The following TARBP1 variants were observed in gnomAD, a reference collection of about 807,000 sequenced individuals.
TARBP1 encodes the protein tRNA guanosine 2 -O-methyltransferase TARBP1, also known as tRNA (guanosine(18)-2'-O)-methyltransferase TARBP1.
A neutral mutation model predicts 178.6 loss-of-function variants in TARBP1; 144 were observed. That is an observed-to-expected ratio of 0.81 (90% confidence interval 0.70 to 0.93). The LOEUF (loss-of-function observed/expected upper bound fraction) is 0.93, where lower values mean the gene tolerates loss of function less well. TARBP1 is among the 40% of genes least tolerant of loss of function. TARBP1 has a pLI of 0.00. For missense variants in TARBP1, 2,067 were observed against 2,011.7 expected (o/e 1.03, Z -0.53); for synonymous variants, 787 against 781.0 (o/e 1.01, Z -0.13).
Position 234,425,696 on chromosome 1 carries a change from G to C in TARBP1, c.3421C>G (p.Leu1141Val). Residue 1141 changes from leucine (L) to valine (V), a missense_variant, in exon 20 of 30, where the codon CTT becomes GTT. Transcript: ENST00000040877. ...ACTTTATCTAATAGCTTGATTGCAA[G>C]ATCCTCAATAAACAACTTGTGGGAC... The part of the protein sequence containing the change: ...NMSHKLFIED[L>V]AIKLLDKDEL... The C allele has an allele frequency of 6.2e-7, 1 of 1,611,842 alleles. No homozygotes were observed. Among genetic ancestry groups the C allele is most frequent in the Non-Finnish European group, 8.5e-7 (1 of 1,179,268 alleles).
rs1211826604 is a variant in TARBP1 at position 234,478,201 on chromosome 1, G to A, written c.903C>T (p.Asp301=). ...TTCCTTCCTGGGGCCCGCAGGTGCA[G>A]TCGGCCCCCAGCTCCGCCGACACCT... ...AVEVSAELGA[D]CTCGPQEGNG... Residue 301 remains aspartate (D), a synonymous_variant, in exon 1 of 30, where the codon GAC becomes GAT. Coordinates refer to ENST00000040877, the MANE Select transcript of TARBP1 (RefSeq NM_005646.4). 1 of 1,611,864 alleles carries A rather than the reference G, an allele frequency of 6.2e-7. No homozygotes were observed. The highest frequency in any genetic ancestry group is 8.5e-7 in the Non-Finnish European group (1 of 1,179,590).
intron 2 of TARBP1, among the ~76,000 whole-genome samples, chr1:234,471,827 T>A (rs1159867841): frequency 3.3e-5 from 5 of 152,206 alleles, no homozygotes; most frequent in African/African-American, 1.2e-4. Flanking sequence ...TGCTTTTTCT[T>A]TACTCCTCAT....
intron 3 of TARBP1, among the ~76,000 whole-genome samples, chr1:234,469,674 G>A (rs930397090): frequency 4.6e-5 from 7 of 152,210 alleles, no homozygotes; most frequent in African/African-American, 1.7e-4. Flanking sequence ...ACAATAATGT[G>A]GCATTTTATC....
chr1:234,435,165 C>T (rs1275985529), intron 13 of TARBP1, among the ~76,000 whole-genome samples: 1 of 152,050 alleles, frequency 6.6e-6, no homozygotes, highest in African/African-American at 2.4e-5. Flanking sequence ...ATGAGGGACC[C>T]TTGGCTGGGT....
chr1:234,458,692 T>C (rs1274352985), intron 8 of TARBP1, among the ~76,000 whole-genome samples: 1 of 152,154 alleles, frequency 6.6e-6, no homozygotes, highest in African/African-American at 2.4e-5. Flanking sequence ...ACACCATATA[T>C]ATTCCTTGAA....
rs768903736 is a variant in TARBP1, at chr1:234,420,704, G to C, written c.3553C>G (p.Gln1185Glu). Residue 1185 changes from glutamine to glutamate, a missense_variant and splice_region_variant, in exon 21 of 30, where the codon CAG becomes GAG. By Grantham distance (29) the Gln-to-Glu change is conservative (BLOSUM62 2). Transcript: ENST00000040877. ...CAAATATAATAAAAATATGATACCT[G>C]GTCAAGTCTAGGGAAAAGTACCAGC... ...TLLVLFPRLD[Q>E]NFLNGIIDRI... is the part of the protein sequence containing the mutation. 52 of 1,595,614 alleles carry C rather than the reference G, an allele frequency of 3.3e-5. No homozygotes were observed. Among genetic ancestry groups the C allele is most frequent in the African/African-American group, 5.4e-5 (4 of 74,280 alleles).
At chr1:234,474,345 G>A (rs1473672441) in intron 1 of TARBP1, among the ~76,000 whole-genome samples, 1 of 149,028 alleles carries the variant, frequency 6.7e-6, no homozygotes, top group Admixed American at 6.7e-5. Context: ...CCTTAGGAGA[G>A]AAAAGATGCT....
At chr1:234,419,717 T>C (rs1228705432) in intron 21 of TARBP1, among the ~76,000 whole-genome samples, 1 of 152,164 alleles carries the variant, frequency 6.6e-6, no homozygotes, top group Admixed American at 6.5e-5. Flanking sequence ...TTATGTTTAA[T>C]GACATACTTT....
chr1:234,477,048 G>A (rs1029265762), intron 1 of TARBP1, among the ~76,000 whole-genome samples: 8 of 152,222 alleles, frequency 5.3e-5, no homozygotes, highest in African/African-American at 1.9e-4. Context: ...AGTGGGGCAT[G>A]GTGGCGCATG....
chr1:234,392,552 C>A lies in TARBP1; in HGVS notation c.4561G>T (p.Val1521Leu). Residue 1521 changes from valine to leucine, a missense_variant and splice_region_variant, in exon 29 of 30, where the codon GTA becomes TTA. Physicochemically the swap from Val to Leu is conservative, Grantham distance 32. Coordinates refer to ENST00000040877, the MANE Select transcript of TARBP1 (RefSeq NM_005646.4). Reference protein sequence around the residue: ...SAEQWLPLVEVKPPQLIDYLQ... With the variant: ...SAEQWLPLVELKPPQLIDYLQ... ...TAATCAATTAGCTGAGGTGGTTTTA[C>A]CTGAATATTAGTTTAAAAAGAACAG... The A allele has an allele frequency of 6.2e-7, 1 of 1,613,548 alleles. No homozygotes were observed. The highest frequency in any genetic ancestry group is 1.1e-5 in the South Asian group (1 of 90,988).
In TARBP1 at chr1:234,420,734, T is replaced by C; in HGVS notation, c.3523A>G (p.Thr1175Ala). 1.9e-6 allele frequency: 3 copies of C among 1,612,212 alleles called. No homozygotes were observed. Among genetic ancestry groups the C allele is most frequent in the Non-Finnish European group, 2.5e-6 (3 of 1,179,228 alleles). Residue 1175 changes from threonine (T) to alanine (A), a missense_variant, in exon 21 of 30, where the codon ACT (threonine) becomes GCT (alanine). Transcript: ENST00000040877. ...QHRVKNRVWQ[T>A]LLVLFPRLDQ... ...AGTCTAGGGAAAAGTACCAGCAGAG[T>C]CTGCCACACTCGGTTTTTCACTCTG... is the stretch of plus-strand genomic sequence containing the variant.
intron 12 of TARBP1, among the ~76,000 whole-genome samples, chr1:234,444,928 T>C (rs1223590917): frequency 6.6e-6 from 1 of 152,132 alleles, no homozygotes; most frequent in Non-Finnish European, 1.5e-5. Context: ...AACATGGTTA[T>C]ATTCACCTCT....
chr1:234,448,637 C>T, intron 10 of TARBP1, 58 bp from the exon 11 acceptor site: 1 of 1,386,228 alleles, frequency 7.2e-7, no homozygotes. Flanking sequence ...AAGGATGATG[C>T]TTCAAAAAAA....
intron 21 of TARBP1, among the ~76,000 whole-genome samples, chr1:234,419,255 C>A (rs1287732741): frequency 1.3e-5 from 2 of 152,088 alleles, no homozygotes; most frequent in Non-Finnish European, 2.9e-5. Flanking sequence ...GAAGAAAAAT[C>A]TATCTTACAC....
At chr1:234,428,192 A>G (rs1458430922) in intron 17 of TARBP1, among the ~76,000 whole-genome samples, 2 of 152,210 alleles carry the variant, frequency 1.3e-5, no homozygotes, top group Non-Finnish European at 2.9e-5. Flanking sequence ...AAATAACGGA[A>G]TCTGACTCTC....
At chr1:234,404,937 G>C (rs1365145261) in intron 24 of TARBP1, among the ~76,000 whole-genome samples, 1 of 152,204 alleles carries the variant, frequency 6.6e-6, no homozygotes, top group Non-Finnish European at 1.5e-5. Flanking sequence ...AAAGTGAAGG[G>C]AGGTAGAAAG....
At chr1:234,394,793 T>TAA (rs1659752738) in intron 26 of TARBP1, among the ~76,000 whole-genome samples, 1 of 152,150 alleles carries the variant, frequency 6.6e-6, no homozygotes, top group Non-Finnish European at 1.5e-5. Flanking sequence ...CATACAATGA[T>TAA]AAAGAATTTA....
At position 234,467,601 on chromosome 1, in the gene TARBP1, C is replaced by T. The variant is rs1668577695; in HGVS notation, c.1149G>A (p.Met383Ile). 11 of 1,609,924 alleles carry T rather than the reference C, an allele frequency of 6.8e-6. No homozygotes were observed. The highest frequency in any genetic ancestry group is 2.2e-5 in the East Asian group (1 of 44,556). Residue 383 changes from methionine to isoleucine, a missense_variant, in exon 4 of 30, where the codon ATG becomes ATA. Coordinates refer to ENST00000040877, the MANE Select transcript of TARBP1 (RefSeq NM_005646.4). ...PSWHMCIYKR[M>I]FESENKILSK... The stretch of plus-strand genomic sequence containing the variant: ...ACAGGATTTTGTTTTCACTTTCAAA[C>T]ATTCTTTTATAAATACACATATGCC...
chr1:234,411,233 T>C (rs899809006), intron 22 of TARBP1, among the ~76,000 whole-genome samples: 1 of 152,258 alleles, frequency 6.6e-6, no homozygotes, highest in Non-Finnish European at 1.5e-5. Context: ...GCGATTTACA[T>C]AGCATGTACA....
Sources: allele counts gnomAD v4.1 joint callset (sites outside exome capture counted in the v4.1 genomes callset), GRCh38; gene constraint gnomAD v4.1.1; transcripts MANE v1.5; gene names NCBI Gene and HGNC (gene_info 2026-07-23, HGNC 2026-07-21).